RNLS: variants seen among roughly 807,000 people sequenced by gnomAD.
RNLS encodes the protein renalase, FAD dependent amine oxidase.
In RNLS, 39 loss-of-function variants were observed where a neutral mutation model predicts 39.8. That is an observed-to-expected ratio of 0.98 (90% confidence interval 0.76 to 1.28). The LOEUF (loss-of-function observed/expected upper bound fraction) is 1.28, where lower values mean the gene tolerates loss of function less well. Ranked by LOEUF, RNLS falls within the 50% of genes most tolerant of loss-of-function variation. The pLI is 0.00. For synonymous variants in RNLS, 147 were observed against 150.7 expected (o/e 0.98, Z 0.18); for missense variants, 410 against 413.3 (o/e 0.99, Z 0.07).
the RNLS span, among the ~76,000 whole-genome samples, chr10:88,218,609 A>G: frequency 6.6e-6 from 1 of 152,152 alleles, no homozygotes; most frequent in East Asian, 1.9e-4. Flanking sequence ...AGGATAAGCT[A>G]TGCCTGACCC....
chr10:88,250,549 C>T, the RNLS span, among the ~76,000 whole-genome samples: 1 of 152,212 alleles, frequency 6.6e-6, no homozygotes, highest in African/African-American at 2.4e-5. Flanking sequence ...CAGCCCTCAA[C>T]AATTCAGACC....
At chr10:88,275,612 A>G (rs1233850778) in intron 6 of RNLS, among the ~76,000 whole-genome samples, 1 of 152,228 alleles carries the variant, frequency 6.6e-6, no homozygotes, top group African/African-American at 2.4e-5. Context: ...ATCGACATGG[A>G]AAAATACTAA....
At chr10:88,536,264 C>T (rs531311925) in intron 4 of RNLS, among the ~76,000 whole-genome samples, 4 of 152,240 alleles carry the variant, frequency 2.6e-5, no homozygotes, top group Admixed American at 2.0e-4. Flanking sequence ...ACCAAATATC[C>T]AGTCCATCTG....
At chr10:88,198,035 A>C in the RNLS span, among the ~76,000 whole-genome samples, 1 of 152,240 alleles carries the variant, frequency 6.6e-6, no homozygotes, top group Non-Finnish European at 1.5e-5. Context: ...ATTTTCCAGC[A>C]AGAAAACTGA....
At chr10:88,361,858 T>C (rs1487970015) in intron 5 of RNLS, among the ~76,000 whole-genome samples, 1 of 152,190 alleles carries the variant, frequency 6.6e-6, no homozygotes, top group African/African-American at 2.4e-5. Flanking sequence ...AGCAGCATTC[T>C]CAGGGATCAC....
chr10:88,507,326 A>G (rs939259970), intron 4 of RNLS, among the ~76,000 whole-genome samples: 1 of 152,136 alleles, frequency 6.6e-6, no homozygotes, highest in African/African-American at 2.4e-5. Flanking sequence ...CTGGTAATTA[A>G]AAAAAGCTAT....
At chr10:88,231,212 A>G in the RNLS span, among the ~76,000 whole-genome samples, 276 of 152,346 alleles carry the variant, frequency 1.8e-3, no homozygotes, top group South Asian at 3.5e-3. Flanking sequence ...ATTAAGGTTA[A>G]ATGAGGTCAT....
At chr10:88,223,348 T>C in the RNLS span, among the ~76,000 whole-genome samples, 7 of 152,342 alleles carry the variant, frequency 4.6e-5, no homozygotes, top group East Asian at 1.2e-3. Context: ...ATTTTTTGGC[T>C]ACGAGAAACC....
At chr10:88,537,793 A>G (rs906953753) in intron 4 of RNLS, among the ~76,000 whole-genome samples, 15 of 152,292 alleles carry the variant, frequency 9.8e-5, no homozygotes, top group African/African-American at 3.1e-4. Flanking sequence ...TGCTGACTAT[A>G]TGGATTTTTG....
At chr10:88,427,935 C>T (rs533498201) in intron 4 of RNLS, among the ~76,000 whole-genome samples, 7 of 151,914 alleles carry the variant, frequency 4.6e-5, no homozygotes, top group Admixed American at 1.3e-4. Flanking sequence ...GATATGCTTA[C>T]GTTTTCTTTG....
chr10:88,178,829 T>C, the RNLS span, among the ~76,000 whole-genome samples: 1 of 152,204 alleles, frequency 6.6e-6, no homozygotes, highest in East Asian at 1.9e-4. Flanking sequence ...GAGAAACACA[T>C]ACTATCTGGG....
intron 5 of RNLS, among the ~76,000 whole-genome samples, chr10:88,361,832 C>T (rs1039307300): frequency 2.6e-5 from 4 of 152,158 alleles, no homozygotes; most frequent in African/African-American, 7.2e-5. Context: ...ACATCCTTAA[C>T]GGTTATTCCA....
intron 6 of RNLS, among the ~76,000 whole-genome samples, chr10:88,292,948 G>A (rs1217360595): frequency 1.3e-5 from 2 of 152,108 alleles, no homozygotes; most frequent in Admixed American, 6.5e-5. Context: ...CTACTTGGGA[G>A]GCTGAGGCAG....
chr10:88,583,215 C>G lies in RNLS; in HGVS notation c.-25G>C. Reference sequence around the variant, plus strand: ...TGGCGAGAGGGAGCAGCGATCCGCGCTGAGTCTCTGCGGCGGGGCCGTTCG... The same window carrying G: ...TGGCGAGAGGGAGCAGCGATCCGCGGTGAGTCTCTGCGGCGGGGCCGTTCG... On this transcript the variant is annotated 5_prime_UTR_variant, in exon 1 of 7. Coordinates refer to ENST00000331772, the MANE Select transcript of RNLS (RefSeq NM_001031709.3). 1 of 1,612,624 alleles carries G rather than the reference C, an allele frequency of 6.2e-7. No individual in the cohort carries two copies. Among genetic ancestry groups the G allele is most frequent in the Non-Finnish European group, 8.5e-7 (1 of 1,179,498 alleles).
chr10:88,515,799 T>C (rs764232770), intron 4 of RNLS, among the ~76,000 whole-genome samples: 4 of 151,964 alleles, frequency 2.6e-5, no homozygotes, highest in East Asian at 3.9e-4. Flanking sequence ...GAGTGAAACA[T>C]AGAGGGCAAT....
chr10:88,578,960 T>G (rs538599402), intron 3 of RNLS, among the ~76,000 whole-genome samples: 1 of 152,312 alleles, frequency 6.6e-6, no homozygotes, highest in African/African-American at 2.4e-5. Context: ...TATGTGTATG[T>G]ATGTATATAT....
At chr10:88,554,006 A>C (rs547413724) in intron 4 of RNLS, among the ~76,000 whole-genome samples, 10 of 152,328 alleles carry the variant, frequency 6.6e-5, no homozygotes, top group Admixed American at 6.5e-4. Flanking sequence ...TCCTGAAAGA[A>C]ACTACCATTT....
chr10:88,389,385 C>G (rs768897344), intron 4 of RNLS, among the ~76,000 whole-genome samples: 5 of 151,984 alleles, frequency 3.3e-5, no homozygotes, highest in Non-Finnish European at 5.9e-5. Context: ...CATAATAAAG[C>G]CTGCTATCTA....
chr10:88,242,217 A>G, the RNLS span, among the ~76,000 whole-genome samples: 1 of 152,230 alleles, frequency 6.6e-6, no homozygotes, highest in Non-Finnish European at 1.5e-5. Flanking sequence ...GATGCTGACT[A>G]AACTTACTTT....
Sources: allele counts gnomAD v4.1 joint callset (sites outside exome capture counted in the v4.1 genomes callset), GRCh38; gene constraint gnomAD v4.1.1; transcripts MANE v1.5; gene names NCBI Gene and HGNC (gene_info 2026-07-23, HGNC 2026-07-21).